TMPRSS11D: variants seen among roughly 807,000 people sequenced by gnomAD.
The protein encoded by TMPRSS11D is transmembrane protease serine 11D.
In TMPRSS11D, 32 loss-of-function variants were observed where a neutral mutation model predicts 44.4. That is an observed-to-expected ratio of 0.72 (90% CI 0.54 to 0.97). The LOEUF is 0.97. TMPRSS11D is among the 50% of genes least tolerant of loss of function. The pLI is 0.00. For missense variants in TMPRSS11D, 446 were observed against 502.6 expected (o/e 0.89, Z 1.08); for synonymous variants, 179 against 177.9 (o/e 1.01, Z -0.05).
chr4:67,840,137 A>G (rs984827662), intron 4 of TMPRSS11D, among the ~76,000 whole-genome samples: 1 of 151,998 alleles, frequency 6.6e-6, no homozygotes, highest in African/African-American at 2.4e-5. Context: ...TCAGTGGTAA[A>G]CAATACATCA....
chr4:67,877,772 C>T (rs1313719863), intron 1 of TMPRSS11D, among the ~76,000 whole-genome samples: 3 of 152,184 alleles, frequency 2.0e-5, no homozygotes, highest in African/African-American at 7.2e-5. Context: ...ACTTCTTAGA[C>T]ATATCTCAAG....
chr4:67,846,991 G>A (rs1339724124), intron 3 of TMPRSS11D, among the ~76,000 whole-genome samples: 1 of 151,460 alleles, frequency 6.6e-6, no homozygotes, highest in Non-Finnish European at 1.5e-5. Flanking sequence ...TGCAACCTCT[G>A]CCTCCCAGGT....
chr4:67,856,960 T>C (rs1489299901), intron 2 of TMPRSS11D, among the ~76,000 whole-genome samples: 1 of 152,054 alleles, frequency 6.6e-6, no homozygotes, highest in African/African-American at 2.4e-5. Context: ...TTAAGATTTC[T>C]ATTACCAAAA....
chr4:67,834,856 T>C (rs989996725), intron 6 of TMPRSS11D, among the ~76,000 whole-genome samples: 2 of 152,020 alleles, frequency 1.3e-5, no homozygotes, highest in Non-Finnish European at 2.9e-5. Flanking sequence ...GAGTGGGTAG[T>C]CCTCCACTAC....
rs1409802707 is a variant in TMPRSS11D, at chr4:67,822,490, A to G, written c.1104T>C (p.Ser368=). The change falls in exon 10 of 10, where the codon TCT becomes TCC. Residue 368 remains serine, a synonymous_variant. Transcript: ENST00000283916. ...AGTCTTCTTGTACTAGTGGGCCACC[A>G]GAGTCACCCTGTAAAAAAACAGAAT... ...QGGVDACQGD[S]GGPLVQEDSR... 2 of 1,613,886 alleles carry G rather than the reference A, an allele frequency of 1.2e-6. No homozygotes were observed.
chr4:67,837,733 A>G (rs1489566416), intron 5 of TMPRSS11D, among the ~76,000 whole-genome samples: 1 of 152,162 alleles, frequency 6.6e-6, no homozygotes, highest in Non-Finnish European at 1.5e-5. Context: ...ATTACAGTGT[A>G]GGATGAAGCC....
At chr4:67,835,240 G>A in intron 5 of TMPRSS11D, 119 bp from the exon 6 acceptor site, 1 of 840,560 alleles carries the variant, frequency 1.2e-6, no homozygotes, top group Non-Finnish European at 1.9e-6. Flanking sequence ...GGGTTGGGAG[G>A]TGGTCCTCTA....
At chr4:67,835,245 C>T in intron 5 of TMPRSS11D, 124 bp from the exon 6 acceptor site, 1 of 799,806 alleles carries the variant, frequency 1.3e-6, no homozygotes, top group Non-Finnish European at 2.0e-6. Flanking sequence ...GGGAGGTGGT[C>T]CTCTAAAATG....
intron 1 of TMPRSS11D, among the ~76,000 whole-genome samples, chr4:67,872,473 C>T (rs1183909901): frequency 2.0e-5 from 3 of 151,984 alleles, no homozygotes; most frequent in East Asian, 3.8e-4. Context: ...TTGAATATCA[C>T]GTATATTTGA....
intron 9 of TMPRSS11D, among the ~76,000 whole-genome samples, chr4:67,822,865 T>C (rs146739793): frequency 0.01 from 1,542 of 152,306 alleles, 16 homozygotes; most frequent in Non-Finnish European, 0.016. Context: ...TGTGTCTTTA[T>C]ATCTTGTGTG....
rs1265942523 is a variant in TMPRSS11D at position 67,838,328 on chromosome 4, G to T, written c.319C>A (p.Gln107Lys). ...TCCGCTCTCACACCACTACCATCTT[G>T]CCTGTAAATCATAAAGATATTTTAA... ...FIRAHVAKLRQDGSGVRADVV... is the reference protein window; with the variant it reads ...FIRAHVAKLRKDGSGVRADVV... Residue 107 changes from glutamine (Q) to lysine (K), a missense_variant and splice_region_variant, in exon 5 of 10, where the codon CAA becomes AAA. Physicochemically the swap from Gln to Lys is moderately conservative, Grantham distance 53. Coordinates refer to ENST00000283916, the MANE Select transcript of TMPRSS11D (RefSeq NM_004262.3). The T allele has an allele frequency of 4.5e-6, 7 of 1,546,958 alleles. No homozygotes were observed. Among genetic ancestry groups the T allele is most frequent in the Non-Finnish European group, 6.1e-6 (7 of 1,151,526 alleles).
intron 3 of TMPRSS11D, among the ~76,000 whole-genome samples, chr4:67,844,545 A>C (rs932724007): frequency 8.5e-5 from 13 of 152,060 alleles, no homozygotes; most frequent in Non-Finnish European, 2.9e-5. Flanking sequence ...AGGCTGAGGC[A>C]AGTGGATCAC....
chr4:67,864,728 T>G (rs948495053), intron 1 of TMPRSS11D, among the ~76,000 whole-genome samples: 1 of 151,882 alleles, frequency 6.6e-6, no homozygotes, highest in African/African-American at 2.4e-5. Context: ...AGTAGCTATG[T>G]TTATATCAGA....
intron 2 of TMPRSS11D, among the ~76,000 whole-genome samples, chr4:67,856,022 C>A (rs1718626636): frequency 6.6e-6 from 1 of 152,166 alleles, no homozygotes; most frequent in Non-Finnish European, 1.5e-5. Context: ...ATTCCTTGCT[C>A]ATGGATTGAA....
At chr4:67,829,447 T>TA (rs11322109) in intron 7 of TMPRSS11D, among the ~76,000 whole-genome samples, 29 of 11,202 alleles carry the variant, frequency 2.6e-3, no homozygotes, top group South Asian at 3.7e-3. Flanking sequence ...ACAGTAGCGT[T>TA]AAAAAAAAAA....
At chr4:67,827,772 A>C (rs1717841132) in intron 7 of TMPRSS11D, among the ~76,000 whole-genome samples, 1 of 152,104 alleles carries the variant, frequency 6.6e-6, no homozygotes, top group Non-Finnish European at 1.5e-5. Flanking sequence ...TTTCTATTCC[A>C]ATGAAGTTAT....
intron 1 of TMPRSS11D, among the ~76,000 whole-genome samples, chr4:67,868,254 T>G (rs1360118315): frequency 1.3e-5 from 2 of 152,076 alleles, no homozygotes; most frequent in Non-Finnish European, 2.9e-5. Flanking sequence ...AGCTAAATAA[T>G]GTGCACGCAT....
chr4:67,855,020 G>A (rs1323787781), intron 2 of TMPRSS11D, among the ~76,000 whole-genome samples: 1 of 151,912 alleles, frequency 6.6e-6, no homozygotes, highest in Non-Finnish European at 1.5e-5. Flanking sequence ...ACTTTGGGAG[G>A]CCAAGGTGGG....
intron 3 of TMPRSS11D, among the ~76,000 whole-genome samples, chr4:67,851,396 C>T (rs1326167550): frequency 6.6e-6 from 1 of 152,220 alleles, no homozygotes; most frequent in Admixed American, 6.5e-5. Context: ...TGTGTAAAGG[C>T]AGGCAATGGC....
Sources: allele counts gnomAD v4.1 joint callset (sites outside exome capture counted in the v4.1 genomes callset), GRCh38; gene constraint gnomAD v4.1.1; transcripts MANE v1.5; gene names NCBI Gene and HGNC (gene_info 2026-07-23, HGNC 2026-07-21).